The following MAGI2 variants were observed in gnomAD, a reference collection of about 807,000 sequenced individuals.
The protein encoded by MAGI2 is membrane-associated guanylate kinase, WW and PDZ domain-containing protein 2.
MAGI2 carries 35 observed loss-of-function variants against 133.3 expected under a neutral mutation model. The observed-to-expected ratio is 0.26, with a 90% CI of 0.20 to 0.35. The LOEUF (loss-of-function observed/expected upper bound fraction) is 0.35, where lower values mean the gene tolerates loss of function less well. MAGI2 is among the 10% of genes least tolerant of loss of function. The probability of loss-of-function intolerance (pLI) is 1.00; values close to 1 mark genes in which losing one functional copy is unlikely to be tolerated. For synonymous variants in MAGI2, 729 were observed against 710.6 expected, an observed-to-expected ratio of 1.03 and a Z score of -0.41; for missense variants, 1,636 against 1,863.4, an observed-to-expected ratio of 0.88 and a Z score of 2.25.
intron 2 of MAGI2, among the ~76,000 whole-genome samples, chr7:78,818,618 A>G (rs1789812486): frequency 6.6e-6 from 1 of 152,180 alleles, no homozygotes; most frequent in Non-Finnish European, 1.5e-5. Flanking sequence ...AAGAAGAGAA[A>G]CTACTTTGGT....
intron 6 of MAGI2, among the ~76,000 whole-genome samples, chr7:78,452,930 T>G (rs73148383): frequency 0.06 from 9,119 of 152,162 alleles, 339 homozygotes; most frequent in Non-Finnish European, 0.087. Flanking sequence ...ATTAGCTGAT[T>G]GGGTTTCTCC....
rs1478006513 is a variant in MAGI2, at chr7:78,526,216, AGAG to A, written c.539-4574_539-4572del. 3.3e-5 allele frequency among the ~76,000 whole-genome samples: 5 copies of A among 152,354 alleles called. No homozygotes were observed. In the South Asian group the frequency reaches 8.3e-4, roughly 25 times the overall value. ...CAATCGCAACCTGCCCAGAACTCAT[AGAG>A]GAGAACTTCATTCAAAGCCACAGTC... On this transcript the variant is annotated intron_variant, in intron 3 of 21. Coordinates refer to ENST00000354212, the MANE Select transcript of MAGI2 (RefSeq NM_012301.4).
intron 10 of MAGI2, among the ~76,000 whole-genome samples, chr7:78,247,751 A>G (rs1488998881): frequency 4.6e-5 from 7 of 152,184 alleles, no homozygotes; most frequent in Non-Finnish European, 1.0e-4. Context: ...AAATTACCCA[A>G]TCAGAGGGGA....
intron 1 of MAGI2, among the ~76,000 whole-genome samples, chr7:79,129,101 C>T (rs1453060479): frequency 6.6e-6 from 1 of 152,152 alleles, no homozygotes; most frequent in Non-Finnish European, 1.5e-5. Context: ...GAACTCCTGA[C>T]CTCAAGTGAT....
chr7:78,070,174 C>CTTATAT (rs1814382561), intron 21 of MAGI2, among the ~76,000 whole-genome samples: 1 of 56,660 alleles, frequency 1.8e-5, no homozygotes, highest in African/African-American at 6.9e-5. Context: ...CACACACACA[C>CTTATAT]ATATATATAT....
intron 1 of MAGI2, among the ~76,000 whole-genome samples, chr7:79,446,335 C>T (rs1848849977): frequency 6.6e-6 from 1 of 152,024 alleles, no homozygotes; most frequent in Non-Finnish European, 1.5e-5. Flanking sequence ...GAAGAAAATT[C>T]AACATAGACA....
intron 2 of MAGI2, among the ~76,000 whole-genome samples, chr7:78,660,249 T>C: frequency 6.6e-6 from 1 of 152,094 alleles, no homozygotes; most frequent in East Asian, 1.9e-4. Context: ...TGTACACATG[T>C]ACCCTAGAAC....
chr7:78,096,681 C>A (rs1392297760), intron 20 of MAGI2, among the ~76,000 whole-genome samples: 1 of 152,092 alleles, frequency 6.6e-6, no homozygotes, highest in African/African-American at 2.4e-5. Context: ...TATTTATTTA[C>A]ATACAGTCTA....
intron 1 of MAGI2, chr7:79,411,778 G>A (rs1471752306): frequency 1.3e-5 from 2 of 151,996 alleles, no homozygotes; most frequent in African/African-American, 4.8e-5. Context: ...CGTGATTGAA[G>A]TCTTTTATTC....
At chr7:78,658,226 G>A (rs1812519784) in intron 2 of MAGI2, among the ~76,000 whole-genome samples, 1 of 152,094 alleles carries the variant, frequency 6.6e-6, no homozygotes, top group Non-Finnish European at 1.5e-5. Flanking sequence ...TTAAATGAAA[G>A]GAAGAGCTTT....
intron 1 of MAGI2, among the ~76,000 whole-genome samples, chr7:79,167,627 C>G (rs193049368): frequency 1.4e-4 from 22 of 152,020 alleles, no homozygotes; most frequent in Admixed American, 1.3e-3. Flanking sequence ...AAGGAAACAA[C>G]CTCCTCCTGC....
At chr7:78,602,818 C>T (rs1395509833) in intron 3 of MAGI2, among the ~76,000 whole-genome samples, 2 of 152,044 alleles carry the variant, frequency 1.3e-5, no homozygotes, top group Non-Finnish European at 2.9e-5. Flanking sequence ...AAAAATAAAT[C>T]TACAAATAGG....
chr7:78,901,533 A>C (rs2151593227), intron 2 of MAGI2: 1 of 152,322 alleles, frequency 6.6e-6, no homozygotes, highest in African/African-American at 2.4e-5. Flanking sequence ...GAACAACAAC[A>C]AAAAACCTGT....
intron 2 of MAGI2, among the ~76,000 whole-genome samples, chr7:78,975,283 T>C (rs1804148891): frequency 6.6e-6 from 1 of 151,788 alleles, no homozygotes; most frequent in African/African-American, 2.4e-5. Context: ...TTGTGGGCTA[T>C]AAAATGCACT....
chr7:78,309,998 C>T (rs552640515), intron 9 of MAGI2, among the ~76,000 whole-genome samples: 1 of 152,124 alleles, frequency 6.6e-6, no homozygotes, highest in African/African-American at 2.4e-5. Context: ...TTGTATGATA[C>T]CTAGGGTTTG....
At chr7:79,103,163 AT>A (rs1477669167) in intron 1 of MAGI2, among the ~76,000 whole-genome samples, 4 of 152,220 alleles carry the variant, frequency 2.6e-5, no homozygotes, top group African/African-American at 9.6e-5. Flanking sequence ...ACAGAAAAAG[AT>A]TTACTTTTTA....
intron 16 of MAGI2, among the ~76,000 whole-genome samples, chr7:78,138,311 T>C (rs1295235522): frequency 6.6e-6 from 1 of 152,162 alleles, no homozygotes; most frequent in African/African-American, 2.4e-5. Flanking sequence ...GCAGGTTCTT[T>C]GCTGCAGTTG....
chr7:78,164,207 G>A (rs1040590742), intron 15 of MAGI2, among the ~76,000 whole-genome samples: 1 of 152,190 alleles, frequency 6.6e-6, no homozygotes, highest in African/African-American at 2.4e-5. Context: ...CAGGACTCTA[G>A]AATTCTGTAA....
chr7:78,362,236 A>G (rs1044951739), intron 7 of MAGI2, among the ~76,000 whole-genome samples: 12 of 152,140 alleles, frequency 7.9e-5, no homozygotes, highest in African/African-American at 2.7e-4. Context: ...TGGGAGGCGG[A>G]GGTTGCAGTA....
Sources: allele counts gnomAD v4.1 joint callset (sites outside exome capture counted in the v4.1 genomes callset), GRCh38; gene constraint gnomAD v4.1.1; transcripts MANE v1.5; gene names NCBI Gene and HGNC (gene_info 2026-07-23, HGNC 2026-07-21).